FAM124B: variants seen among roughly 807,000 people sequenced by gnomAD.
FAM124B encodes the protein protein FAM124B.
A neutral mutation model predicts 19.7 loss-of-function variants in FAM124B; 18 were observed. The observed-to-expected ratio is 0.92, with a 90% CI of 0.63 to 1.36. FAM124B has a LOEUF of 1.36. Ranked by LOEUF, FAM124B falls within the 40% of genes most tolerant of loss-of-function variation. The probability of loss-of-function intolerance (pLI) is 0.00; values close to 1 mark genes in which losing one functional copy is unlikely to be tolerated. For missense variants in FAM124B, 540 were observed against 553.3 expected (o/e 0.98, Z 0.24); for synonymous variants, 223 against 225.2 (o/e 0.99, Z 0.09).
intron 1 of FAM124B, among the ~76,000 whole-genome samples, chr2:224,388,763 CT>C (rs572493988): frequency 6.6e-6 from 1 of 152,146 alleles, no homozygotes; most frequent in South Asian, 2.1e-4. Context: ...AGAAAGAAGC[CT>C]TCCTAAATTT....
intron 1 of FAM124B, among the ~76,000 whole-genome samples, chr2:224,396,521 T>C (rs938326114): frequency 6.6e-6 from 1 of 152,150 alleles, no homozygotes; most frequent in Non-Finnish European, 1.5e-5. Flanking sequence ...TTATGGTTCT[T>C]CCTTTAATAG....
chr2:224,394,233 T>A (rs1689933738), intron 1 of FAM124B, among the ~76,000 whole-genome samples: 1 of 152,110 alleles, frequency 6.6e-6, no homozygotes, highest in Non-Finnish European at 1.5e-5. Flanking sequence ...CTTGGTAATG[T>A]TGATCCTTTC....
chr2:224,393,092 G>A (rs1689915236), intron 1 of FAM124B, among the ~76,000 whole-genome samples: 1 of 152,202 alleles, frequency 6.6e-6, no homozygotes, highest in African/African-American at 2.4e-5. Context: ...ATGGGTCTCA[G>A]TTGAGAAATG....
intron 1 of FAM124B, among the ~76,000 whole-genome samples, chr2:224,387,795 G>A (rs1002429597): frequency 1.3e-5 from 2 of 152,188 alleles, no homozygotes; most frequent in Non-Finnish European, 2.9e-5. Flanking sequence ...AGAGTGTACA[G>A]CTGAGAGACT....
chr2:224,384,322 C>T (rs1452309860), intron 1 of FAM124B, among the ~76,000 whole-genome samples: 1 of 152,216 alleles, frequency 6.6e-6, no homozygotes, highest in Non-Finnish European at 1.5e-5. Flanking sequence ...TCCCTGTCAG[C>T]CCCTCCCATC....
At chr2:224,384,827 C>T (rs954448383) in intron 1 of FAM124B, among the ~76,000 whole-genome samples, 13 of 152,210 alleles carry the variant, frequency 8.5e-5, no homozygotes, top group African/African-American at 2.9e-4. Flanking sequence ...AGACTCCCAT[C>T]ACCTCCCGCC....
intron 1 of FAM124B, chr2:224,400,282 A>G (rs1690042481): frequency 1.9e-6 from 1 of 519,560 alleles, no homozygotes; most frequent in Non-Finnish European, 3.4e-6. Flanking sequence ...AATTAAGTCA[A>G]TAGTACTGCA....
At chr2:224,391,706 CAGAG>C (rs1689891650) in intron 1 of FAM124B, among the ~76,000 whole-genome samples, 1 of 152,110 alleles carries the variant, frequency 6.6e-6, no homozygotes, top group Non-Finnish European at 1.5e-5. Flanking sequence ...ACTTTGGAGA[CAGAG>C]AGACCTGAGT....
chr2:224,391,311 A>T (rs995531880), intron 1 of FAM124B, among the ~76,000 whole-genome samples: 7 of 149,878 alleles, frequency 4.7e-5, no homozygotes, highest in Non-Finnish European at 1.5e-5. Context: ...ACTGCACTCC[A>T]GTCCAGGTGA....
At chr2:224,383,495 CTT>C (rs879761110) in intron 1 of FAM124B, among the ~76,000 whole-genome samples, 17 of 151,988 alleles carry the variant, frequency 1.1e-4, no homozygotes, top group Middle Eastern at 3.2e-3. Context: ...CCTTCCTTTC[CTT>C]TCTTTCCTTT....
At chr2:224,381,414 C>G (rs566803191) in intron 1 of FAM124B, among the ~76,000 whole-genome samples, 2 of 152,226 alleles carry the variant, frequency 1.3e-5, no homozygotes, top group Admixed American at 1.3e-4. Context: ...TATGACTGCA[C>G]CACTGCACTC....
In FAM124B at chr2:224,378,772, G is replaced by A. The variant is rs1447227529; in HGVS notation, c.*801C>T. 6.6e-6 allele frequency: 1 copy of A among 152,186 alleles called. No individual in the cohort carries two copies. The highest frequency in any genetic ancestry group is 1.5e-5 in the Non-Finnish European group (1 of 68,044). 9.4% of individuals were successfully genotyped at this position (152,186 alleles called of 1,614,324 possible). A position where few individuals can be genotyped will look rare whatever the true frequency, so the allele number is the denominator to read the frequency against. On this transcript the variant is annotated 3_prime_UTR_variant, in exon 2 of 2. Coordinates refer to ENST00000409685, the MANE Select transcript of FAM124B (RefSeq NM_001122779.2). ...GAGTGCGTTTTGTAAAGGAATCTGG[G>A]AGTCAAAATCTGGCCAGAAGAACCC...
chr2:224,393,038 A>G (rs756692590), intron 1 of FAM124B, among the ~76,000 whole-genome samples: 77 of 152,268 alleles, frequency 5.1e-4, no homozygotes, highest in Non-Finnish European at 1.0e-3. Flanking sequence ...GAATATTTTC[A>G]TCATCACAGA....
intron 1 of FAM124B, among the ~76,000 whole-genome samples, chr2:224,387,145 C>T (rs193253930): frequency 6.6e-5 from 10 of 152,088 alleles, no homozygotes; most frequent in East Asian, 5.8e-4. Flanking sequence ...AAGCTCTTGC[C>T]GAAAAACAAA....
At chr2:224,397,846 G>A (rs952090008) in intron 1 of FAM124B, among the ~76,000 whole-genome samples, 2 of 152,156 alleles carry the variant, frequency 1.3e-5, no homozygotes, top group African/African-American at 2.4e-5. Context: ...AGAGGTGACT[G>A]GGGTGCTATT....
intron 1 of FAM124B, among the ~76,000 whole-genome samples, chr2:224,381,025 CAAG>C (rs768311001): frequency 1.3e-5 from 2 of 152,130 alleles, no homozygotes; most frequent in Non-Finnish European, 2.9e-5. Context: ...ACACTCTTCC[CAAG>C]AAGATTTCTG....
intron 1 of FAM124B, among the ~76,000 whole-genome samples, chr2:224,395,960 A>G (rs17189108): frequency 0.014 from 2,084 of 152,352 alleles, 26 homozygotes; most frequent in Non-Finnish European, 0.021. Flanking sequence ...TAACACAAAT[A>G]ATCCATGTCA....
At chr2:224,392,549 G>A (rs1435131138) in intron 1 of FAM124B, among the ~76,000 whole-genome samples, 2 of 152,130 alleles carry the variant, frequency 1.3e-5, no homozygotes, top group Non-Finnish European at 2.9e-5. Flanking sequence ...AAGCTCAGGA[G>A]TTTGAGACCA....
intron 1 of FAM124B, among the ~76,000 whole-genome samples, chr2:224,390,081 TAGAG>T (rs1262415039): frequency 6.9e-6 from 1 of 145,372 alleles, no homozygotes; most frequent in East Asian, 2.1e-4. Flanking sequence ...AAACATGATT[TAGAG>T]AGAGGAAAAA....
Sources: gnomAD v4.1 joint callset for allele counts (sites outside exome capture counted in the v4.1 genomes callset) on GRCh38, gnomAD v4.1.1 for gene constraint, MANE v1.5 for transcripts, NCBI Gene and HGNC (gene_info 2026-07-23, HGNC 2026-07-21) for gene names.